UBE4B: variants seen among roughly 807,000 people sequenced by gnomAD.
UBE4B encodes ubiquitin conjugation factor E4 B.
A neutral mutation model predicts 148.1 loss-of-function variants in UBE4B; 27 were observed. The observed-to-expected ratio is 0.18, with a 90% confidence interval of 0.13 to 0.25. UBE4B has a LOEUF of 0.25. Among genes scored for constraint, UBE4B ranks in the 10% least tolerant of loss-of-function variants. The pLI is 1.00. For missense variants in UBE4B, 1,170 were observed against 1,662.4 expected (o/e 0.70, Z 5.15); for synonymous variants, 596 against 619.3 (o/e 0.96, Z 0.56).
chr1:10,135,002 G>A lies in UBE4B; in HGVS notation c.2040G>A (p.Leu680=). The change falls in exon 16 of 28, where the codon TTG becomes TTA. Residue 680 remains leucine (L), a synonymous_variant. Coordinates refer to ENST00000343090, the MANE Select transcript of UBE4B (RefSeq NM_001105562.3). ...AACTTTCACAGACAGATGATAGATT[G>A]GTGTCTACAGATGGATTTATGCTGA... ...KKAQMQTDDR[L]VSTDGFMLNF... The A allele has an allele frequency of 6.2e-7, 1 of 1,614,004 alleles. No individual in the cohort carries two copies. Among genetic ancestry groups the A allele is most frequent in the East Asian group, 2.2e-5 (1 of 44,892 alleles).
At chr1:10,038,334 A>G (rs1428500813) in intron 1 of UBE4B, among the ~76,000 whole-genome samples, 8 of 152,060 alleles carry the variant, frequency 5.3e-5, no homozygotes, top group Admixed American at 4.6e-4. Context: ...TTCCAAATGC[A>G]GAATATGTGA....
At chr1:10,179,232 C>T in intron 26 of UBE4B, 184 bp from the exon 27 acceptor site, 1 of 687,212 alleles carries the variant, frequency 1.5e-6, no homozygotes, top group East Asian at 2.8e-5. Context: ...AGCGCCTTCC[C>T]CTTACAAAAG....
chr1:10,153,777 G>A (rs1355814277), intron 21 of UBE4B, among the ~76,000 whole-genome samples: 2 of 151,556 alleles, frequency 1.3e-5, no homozygotes, highest in Non-Finnish European at 2.9e-5. Context: ...GTGAAACCCC[G>A]TCTCTACTAA....
chr1:10,130,856 A>G (rs1453103564), intron 14 of UBE4B, 43 bp downstream of exon 14: 3 of 1,551,664 alleles, frequency 1.9e-6, no homozygotes, highest in Non-Finnish European at 2.7e-6. Context: ...ATCAAAGATG[A>G]GCTCCAGATA....
intron 1 of UBE4B, among the ~76,000 whole-genome samples, chr1:10,070,133 G>A (rs1644458525): frequency 6.6e-6 from 1 of 151,864 alleles, no homozygotes; most frequent in African/African-American, 2.4e-5. Flanking sequence ...AATTAGGTGG[G>A]TGTGGTGGTG....
intron 3 of UBE4B, among the ~76,000 whole-genome samples, chr1:10,097,038 CAA>C (rs1175237804): frequency 2.1e-5 from 3 of 141,064 alleles, no homozygotes; most frequent in Non-Finnish European, 3.1e-5. Context: ...GACTCTGCAT[CAA>C]AAAAAAAAAA....
intron 7 of UBE4B, among the ~76,000 whole-genome samples, chr1:10,110,104 C>G (rs1645193802): frequency 1.3e-5 from 2 of 152,148 alleles, no homozygotes; most frequent in Admixed American, 1.3e-4. Flanking sequence ...GCAATTTTAA[C>G]ACTCACTTCT....
Position 10,105,701 on chromosome 1 carries a change from A to T in UBE4B, c.766A>T (p.Met256Leu), listed in dbSNP as rs760425310. 2 of 1,614,148 alleles carry T rather than the reference A, an allele frequency of 1.2e-6. No individual in the cohort carries two copies. Among genetic ancestry groups the T allele is most frequent in the Non-Finnish European group, 1.7e-6 (2 of 1,180,030 alleles). The part of the protein sequence containing the change: ...NTGSNPGTSP[M>L]FCSVASFGAS... ...TGGCTCCAATCCAGGAACAAGCCCCATGTTCTGCAGCGTGGCTTCCTTTGG... is the reference window on the plus strand; with the variant it reads ...TGGCTCCAATCCAGGAACAAGCCCCTTGTTCTGCAGCGTGGCTTCCTTTGG... The change falls in exon 6 of 28, where the codon ATG (methionine) becomes TTG (leucine). Residue 256 changes from methionine (M) to leucine (L), a missense_variant. By Grantham distance (15) the Met-to-Leu change is conservative (BLOSUM62 2). Around this residue, in one of 6 missense-constraint regions of UBE4B, gnomAD observed 214 missense variants for 209.1 expected, o/e 1.02. Transcript: ENST00000343090.
intron 1 of UBE4B, among the ~76,000 whole-genome samples, chr1:10,042,941 T>C (rs756911121): frequency 1.1e-4 from 16 of 151,806 alleles, no homozygotes; most frequent in East Asian, 1.9e-4. Flanking sequence ...ATAGCAAGGA[T>C]GCCAAGCATG....
At position 10,101,275 on chromosome 1, in the gene UBE4B, T is replaced by C. The variant is rs1294864679; in HGVS notation, c.435+80T>C. The C allele has an allele frequency of 9.2e-6, 13 of 1,409,838 alleles. No homozygotes were observed. In the East Asian group the frequency reaches 9.4e-5, roughly 10 times the overall value. The allele number at this position is 1,409,838 out of a possible 1,614,324, so 87.3% of individuals were successfully genotyped here. A position where few individuals can be genotyped will look rare whatever the true frequency, so the allele number is the denominator to read the frequency against. ...TCTTGTATCTGTAGAGTCTGTTAGA[T>C]TGGGGCCACCCGAAATCAGGAAGTC... On this transcript the variant is annotated intron_variant, in intron 4 of 27. Coordinates refer to ENST00000343090, the MANE Select transcript of UBE4B (RefSeq NM_001105562.3).
At chr1:10,079,836 T>G (rs1322763427) in intron 2 of UBE4B, among the ~76,000 whole-genome samples, 1 of 152,218 alleles carries the variant, frequency 6.6e-6, no homozygotes, top group Non-Finnish European at 1.5e-5. Context: ...AAATTATTCT[T>G]TAACATGTTG....
chr1:10,054,032 TTTG>T, intron 1 of UBE4B, among the ~76,000 whole-genome samples: 1 of 152,312 alleles, frequency 6.6e-6, no homozygotes, highest in African/African-American at 2.4e-5. Flanking sequence ...CAAATCTTTT[TTTG>T]TTGTTGGGGT....
chr1:10,126,913 A>G, intron 11 of UBE4B, 36 bp downstream of exon 11: 1 of 1,525,546 alleles, frequency 6.6e-7, no homozygotes, highest in South Asian at 1.1e-5. Flanking sequence ...CTCATTCAAT[A>G]GATGTTTTTC....
At chr1:10,101,318 TTTA>T (rs1417267355) in intron 4 of UBE4B, 123 bp downstream of exon 4, 1 of 862,018 alleles carries the variant, frequency 1.2e-6, no homozygotes, top group Non-Finnish European at 1.8e-6. Flanking sequence ...GGTGATTATT[TTTA>T]TTCTTTTGAG....
At chr1:10,107,310 G>A in intron 7 of UBE4B, 1 of 1,289,602 alleles carries the variant, frequency 7.8e-7, no homozygotes, top group South Asian at 1.2e-5. Context: ...TGATGATGAT[G>A]GTGATGGTGA....
rs770101854 is a variant in UBE4B at position 10,106,396 on chromosome 1, C to T, written c.1009C>T (p.His337Tyr). The change falls in exon 7 of 28, where the codon CAC (histidine) becomes TAC (tyrosine). Residue 337 changes from histidine to tyrosine, a missense_variant. Coordinates refer to ENST00000343090, the MANE Select transcript of UBE4B (RefSeq NM_001105562.3). The surrounding 1 kb of genome is among the most constrained non-coding windows in gnomAD (Gnocchi z 4.2). Reference sequence around the variant, plus strand: ...GCGGTATCGCCCCTACACTGTCACTCACCCATGGGCGTCCTCAGGCGTCTC... The same window carrying T: ...GCGGTATCGCCCCTACACTGTCACTTACCCATGGGCGTCCTCAGGCGTCTC... ...SPRYRPYTVT[H>Y]PWASSGVSIL... The T allele has an allele frequency of 3.7e-6, 6 of 1,613,358 alleles. No homozygotes were observed. Among genetic ancestry groups the T allele is most frequent in the Admixed American group, 3.3e-5 (2 of 59,936 alleles).
chr1:10,047,618 G>A (rs1163393581), intron 1 of UBE4B, among the ~76,000 whole-genome samples: 2 of 147,142 alleles, frequency 1.4e-5, no homozygotes, highest in Non-Finnish European at 3.0e-5. Flanking sequence ...TCAGCCTCCC[G>A]AGTAGCTGGG....
intron 9 of UBE4B, among the ~76,000 whole-genome samples, chr1:10,120,291 C>T (rs1167217059): frequency 6.6e-6 from 1 of 152,162 alleles, no homozygotes; most frequent in Non-Finnish European, 1.5e-5. Flanking sequence ...GAGGCTGAGG[C>T]TGGCGGATCA....
chr1:10,157,254 CAA>C (rs1646088255), intron 21 of UBE4B, among the ~76,000 whole-genome samples: 1 of 152,106 alleles, frequency 6.6e-6, no homozygotes, highest in Admixed American at 6.6e-5. Flanking sequence ...CTCCTGGCCT[CAA>C]GTGATCTGCC....
Sources: allele counts gnomAD v4.1 joint callset (sites outside exome capture counted in the v4.1 genomes callset), GRCh38; gene constraint gnomAD v4.1.1; regional missense constraint gnomAD v4.1.1; non-coding constraint Gnocchi (gnomAD v3.1); transcripts MANE v1.5; gene names NCBI Gene and HGNC (gene_info 2026-07-23, HGNC 2026-07-21).